Variants in GARIN2 observed in about 807,000 individuals in gnomAD.
The protein encoded by GARIN2 is Golgi-associated RAB2 interactor protein 2.
the GARIN2 span, among the ~76,000 whole-genome samples, chr14:67,193,593 A>C: frequency 6.9e-6 from 1 of 145,546 alleles, no homozygotes; most frequent in South Asian, 2.1e-4. Context: ...AGATATAGAT[A>C]TATATCTATA....
the GARIN2 span, among the ~76,000 whole-genome samples, chr14:67,228,114 G>C: frequency 6.6e-6 from 1 of 150,786 alleles, no homozygotes; most frequent in Non-Finnish European, 1.5e-5. Flanking sequence ...GGGTTGCAGT[G>C]AGCCGAGATT....
chr14:67,199,503 A>G, the GARIN2 span: 4 of 1,612,786 alleles, frequency 2.5e-6, no homozygotes, highest in East Asian at 2.2e-5. Flanking sequence ...GCCTTTATTA[A>G]TTTTGCTTCA....
chr14:67,192,712 TA>T, the GARIN2 span, among the ~76,000 whole-genome samples: 24 of 149,280 alleles, frequency 1.6e-4, no homozygotes, highest in East Asian at 3.9e-4. Context: ...GCTGCTGTTT[TA>T]AAAAAAAAAT....
chr14:67,199,432 G>A, the GARIN2 span: 13 of 1,612,966 alleles, frequency 8.1e-6, no homozygotes, highest in Admixed American at 5.0e-5. Flanking sequence ...GCGCCTTTGG[G>A]GTCATCTTAC....
the GARIN2 span, chr14:67,199,858 C>A: frequency 2.7e-6 from 4 of 1,490,420 alleles, no homozygotes; most frequent in Admixed American, 4.6e-5. Flanking sequence ...ACCACCTATG[C>A]CTCCTGGGGC....
At chr14:67,210,714 T>C in the GARIN2 span, among the ~76,000 whole-genome samples, 1 of 151,872 alleles carries the variant, frequency 6.6e-6, no homozygotes, top group South Asian at 2.1e-4. Flanking sequence ...ACACAGCCAA[T>C]AGAGAATGAA....
chr14:67,210,416 T>A, the GARIN2 span, among the ~76,000 whole-genome samples: 1 of 151,638 alleles, frequency 6.6e-6, no homozygotes, highest in Admixed American at 6.6e-5. Context: ...GGAGACCCTG[T>A]CTCTATTTAA....
the GARIN2 span, among the ~76,000 whole-genome samples, chr14:67,221,085 GA>G: frequency 6.6e-6 from 1 of 152,116 alleles, no homozygotes; most frequent in African/African-American, 2.4e-5. Context: ...TGAGGTTAAG[GA>G]AATAAGTATT....
At chr14:67,212,589 GAAA>G in the GARIN2 span, among the ~76,000 whole-genome samples, 2 of 100,340 alleles carry the variant, frequency 2.0e-5, no homozygotes, top group African/African-American at 7.2e-5. Context: ...AGACCCTGTT[GAAA>G]AAAAAAATAT....
the GARIN2 span, among the ~76,000 whole-genome samples, chr14:67,218,599 C>G: frequency 1.5e-3 from 227 of 152,234 alleles, no homozygotes; most frequent in African/African-American, 5.2e-3. Context: ...GCATGTCCGT[C>G]AGGAGCAACC....
At chr14:67,207,183 G>A in the GARIN2 span, among the ~76,000 whole-genome samples, 1 of 152,090 alleles carries the variant, frequency 6.6e-6, no homozygotes, top group East Asian at 1.9e-4. Context: ...TCTGAGGCTG[G>A]GCAATTAATA....
chr14:67,215,037 A>C, the GARIN2 span, among the ~76,000 whole-genome samples: 102 of 152,282 alleles, frequency 6.7e-4, 1 homozygote, highest in African/African-American at 2.4e-3. Context: ...ACTTTGCTGA[A>C]GTTGCTTGTC....
chr14:67,193,117 T>G, the GARIN2 span, among the ~76,000 whole-genome samples: 1 of 144,170 alleles, frequency 6.9e-6, no homozygotes. Context: ...TATAGATATC[T>G]CTCTATATAT....
At chr14:67,203,291 C>T in the GARIN2 span, 1 of 1,577,510 alleles carries the variant, frequency 6.3e-7, no homozygotes, top group Non-Finnish European at 8.6e-7. Flanking sequence ...TAGTGCTCAC[C>T]AGGTGAGTTA....
chr14:67,207,527 A>C, the GARIN2 span, among the ~76,000 whole-genome samples: 1 of 152,006 alleles, frequency 6.6e-6, no homozygotes. Context: ...TGAGATTTTC[A>C]AGTGACAAAA....
At chr14:67,222,637 T>A in the GARIN2 span, among the ~76,000 whole-genome samples, 1 of 152,186 alleles carries the variant, frequency 6.6e-6, no homozygotes, top group Non-Finnish European at 1.5e-5. Context: ...TATATTGCCA[T>A]GTTCTAAGAA....
the GARIN2 span, among the ~76,000 whole-genome samples, chr14:67,208,893 T>C: frequency 7.6e-6 from 1 of 131,848 alleles, no homozygotes. Flanking sequence ...TAAAACTCTG[T>C]CTCAAAAAAA....
At chr14:67,220,335 C>T in the GARIN2 span, among the ~76,000 whole-genome samples, 1 of 151,862 alleles carries the variant, frequency 6.6e-6, no homozygotes, top group African/African-American at 2.4e-5. Flanking sequence ...CCCAGTTACT[C>T]AGGAGGCTGA....
At chr14:67,205,828 GGA>G in the GARIN2 span, among the ~76,000 whole-genome samples, 1 of 152,168 alleles carries the variant, frequency 6.6e-6, no homozygotes, top group East Asian at 1.9e-4. Flanking sequence ...TCTAATGGCA[GGA>G]TGGATTATAG....
Sources: allele counts gnomAD v4.1 joint callset (sites outside exome capture counted in the v4.1 genomes callset), GRCh38; gene constraint gnomAD v4.1.1; transcripts MANE v1.5; gene names NCBI Gene and HGNC (gene_info 2026-07-23, HGNC 2026-07-21).